The following STK3 variants were observed in gnomAD, a reference collection of about 807,000 sequenced individuals.
The protein encoded by STK3 is serine/threonine kinase 3.
In STK3, 41 loss-of-function variants were observed where a neutral mutation model predicts 58.0. The ratio of observed to expected loss-of-function variants is 0.71; its 90% CI spans 0.55 to 0.92. The LOEUF (loss-of-function observed/expected upper bound fraction) is 0.92, where lower values mean the gene tolerates loss of function less well. Ranked by LOEUF, STK3 falls within the 40% of genes least tolerant of loss-of-function variation. The pLI, the probability that STK3 is intolerant of heterozygous loss-of-function variation, is 0.00. For synonymous variants in STK3, 170 were observed against 191.0 expected (o/e 0.89, Z 0.91); for missense variants, 479 against 602.7 (o/e 0.79, Z 2.15).
chr8:98,775,232 C>T (rs1178005912), intron 1 of STK3, among the ~76,000 whole-genome samples: 1 of 152,114 alleles, frequency 6.6e-6, no homozygotes, highest in Non-Finnish European at 1.5e-5. Flanking sequence ...GCTCCAAGAT[C>T]TGAAATTTTT....
chr8:98,905,314 G>A (rs1324274623), intron 1 of STK3: 3 of 852,974 alleles, frequency 3.5e-6, no homozygotes, highest in Non-Finnish European at 6.1e-6. Context: ...CACTCCATGT[G>A]TATGAAGTGT....
At chr8:98,543,451 A>C (rs1251833063) in intron 9 of STK3, among the ~76,000 whole-genome samples, 1 of 152,112 alleles carries the variant, frequency 6.6e-6, no homozygotes, top group Non-Finnish European at 1.5e-5. Context: ...GAGGACTTGC[A>C]CTAAAGAAAT....
intron 7 of STK3, among the ~76,000 whole-genome samples, chr8:98,586,906 G>A (rs867802861): frequency 2.7e-5 from 4 of 147,500 alleles, no homozygotes; most frequent in East Asian, 3.9e-4. Flanking sequence ...TAGTATTCTC[G>A]GATGGTAGTT....
chr8:98,579,856 A>G lies in STK3; in HGVS notation c.823-67T>C, dbSNP rs754502975. 2.8e-5 allele frequency: 38 copies of G among 1,370,478 alleles called. No homozygotes were observed. The Middle Eastern group carries it at 9.1e-4, about 33-fold the overall frequency. The allele number at this position is 1,370,478 out of a possible 1,614,324, so 84.9% of individuals were successfully genotyped here. On this transcript the variant is annotated intron_variant, in intron 7 of 10. Coordinates refer to ENST00000419617, the MANE Select transcript of STK3 (RefSeq NM_006281.4). The stretch of plus-strand genomic sequence containing the variant: ...TCCGAATTATAGCTAACAAATGTTA[A>G]AACAACATGTAAATGTTAACCAGGA...
At chr8:98,711,988 T>G (rs1826499099) in intron 4 of STK3, among the ~76,000 whole-genome samples, 1 of 152,124 alleles carries the variant, frequency 6.6e-6, no homozygotes, top group Non-Finnish European at 1.5e-5. Context: ...TCAAGATTCT[T>G]AAAGAAAAGA....
At chr8:98,552,100 A>C (rs1811217597) in intron 8 of STK3, among the ~76,000 whole-genome samples, 1 of 152,120 alleles carries the variant, frequency 6.6e-6, no homozygotes, top group South Asian at 2.1e-4. Flanking sequence ...TCAAATGCTT[A>C]AGTTGGAGAT....
intron 1 of STK3, among the ~76,000 whole-genome samples, chr8:98,789,267 TAGAGG>T (rs1832656763): frequency 6.6e-6 from 1 of 152,108 alleles, no homozygotes; most frequent in Non-Finnish European, 1.5e-5. Context: ...AGGCAGTGCT[TAGAGG>T]AAAGTTTATA....
At chr8:98,401,039 A>G (rs776444721), downstream of STK3, among the ~76,000 whole-genome samples, 1 of 152,052 alleles carries the variant, frequency 6.6e-6, no homozygotes, top group Non-Finnish European at 1.5e-5. Flanking sequence ...TGACTGTGCA[A>G]CTTCCAAAAA....
intron 10 of STK3, among the ~76,000 whole-genome samples, chr8:98,502,281 C>T (rs1476075037): frequency 6.6e-6 from 1 of 152,134 alleles, no homozygotes; most frequent in Non-Finnish European, 1.5e-5. Flanking sequence ...GCTGAAGTTG[C>T]TTATCAGCTT....
At chr8:98,884,031 C>T (rs1414925729) in intron 1 of STK3, among the ~76,000 whole-genome samples, 4 of 152,084 alleles carry the variant, frequency 2.6e-5, no homozygotes, top group Admixed American at 1.3e-4. Flanking sequence ...CTGTAAGCTC[C>T]GGACAGCCAA....
chr8:98,532,288 G>T (rs534174895), intron 9 of STK3, among the ~76,000 whole-genome samples: 1 of 152,244 alleles, frequency 6.6e-6, no homozygotes, highest in Non-Finnish European at 1.5e-5. Flanking sequence ...TCAATATTGT[G>T]ATGTCTCAGA....
At position 98,634,432 on chromosome 8, in the gene STK3, G is replaced by A. The variant is rs530074936; in HGVS notation, c.685-38263C>T. ...GGAGGATCACTTGAACCCAGGAAGC[G>A]GAGGTTCCAGTGAGCGGAGATCGTG... On this transcript the variant is annotated intron_variant, in intron 6 of 10. Coordinates refer to ENST00000419617, the MANE Select transcript of STK3 (RefSeq NM_006281.4). Among the ~76,000 whole-genome samples the A allele has an allele frequency of 1.1e-3, 165 of 151,866 alleles. 1 individual carries two copies. The highest frequency in any genetic ancestry group is 3.9e-3 in the African/African-American group (159 of 41,236).
intron 6 of STK3, among the ~76,000 whole-genome samples, chr8:98,658,905 T>A (rs958018754): frequency 6.6e-6 from 1 of 152,026 alleles, no homozygotes; most frequent in East Asian, 1.9e-4. Context: ...TAGAAAAAAA[T>A]TATGCCCTAA....
chr8:98,802,627 T>C (rs943620291), intron 1 of STK3, among the ~76,000 whole-genome samples: 4 of 152,208 alleles, frequency 2.6e-5, no homozygotes, highest in Admixed American at 2.0e-4. Context: ...TCTAATTAAA[T>C]TGTTCTTAGA....
At chr8:98,843,793 G>A (rs551904756) in intron 3 of STK3, among the ~76,000 whole-genome samples, 1 of 152,290 alleles carries the variant, frequency 6.6e-6, no homozygotes, top group Admixed American at 6.5e-5. Context: ...GAGGCGGGTG[G>A]ATCACTTGAG....
chr8:98,859,986 G>T (rs957839209), intron 3 of STK3, among the ~76,000 whole-genome samples: 2 of 152,186 alleles, frequency 1.3e-5, no homozygotes, highest in Non-Finnish European at 2.9e-5. Flanking sequence ...TATGCTGAGA[G>T]GTGTGGTTGT....
chr8:98,637,275 A>G (rs1031375967), intron 6 of STK3, among the ~76,000 whole-genome samples: 1 of 152,150 alleles, frequency 6.6e-6, no homozygotes, highest in African/African-American at 2.4e-5. Flanking sequence ...CCTTTCCTGT[A>G]TAAGACCAAA....
chr8:98,751,387 G>C (rs913200032), intron 3 of STK3, among the ~76,000 whole-genome samples: 1 of 152,170 alleles, frequency 6.6e-6, no homozygotes, highest in Admixed American at 6.5e-5. Flanking sequence ...TTCTCAGGCT[G>C]ATAAGCAACT....
chr8:98,500,762 G>T (rs1010191582), intron 10 of STK3, among the ~76,000 whole-genome samples: 2 of 152,158 alleles, frequency 1.3e-5, no homozygotes, highest in African/African-American at 4.8e-5. Context: ...TGGCTGCATA[G>T]TATTCCATGG....
Sources: gnomAD v4.1 joint callset for allele counts (sites outside exome capture counted in the v4.1 genomes callset) on GRCh38, gnomAD v4.1.1 for gene constraint, MANE v1.5 for transcripts, NCBI Gene and HGNC (gene_info 2026-07-23, HGNC 2026-07-21) for gene names.